Variants in RANBP17 observed in about 807,000 individuals in gnomAD.
RANBP17 encodes ran-binding protein 17.
In RANBP17, 158 loss-of-function variants were observed where a neutral mutation model predicts 141.2. That is an observed-to-expected ratio of 1.12 (90% CI 0.98 to 1.28). The LOEUF (loss-of-function observed/expected upper bound fraction) is 1.28. Among genes scored for constraint, RANBP17 ranks in the 50% most tolerant of loss-of-function variants. RANBP17 has a pLI of 0.00. For synonymous variants in RANBP17, 430 were observed against 450.0 expected (o/e 0.96, Z 0.56); for missense variants, 1,438 against 1,290.7 (o/e 1.11, Z -1.75).
chr5:171,022,968 C>G (rs1446681367), intron 14 of RANBP17, among the ~76,000 whole-genome samples: 2 of 152,196 alleles, frequency 1.3e-5, no homozygotes, highest in Non-Finnish European at 2.9e-5. Context: ...GGAAAAAGCA[C>G]AGTTTCCCTT....
intron 3 of RANBP17, among the ~76,000 whole-genome samples, chr5:170,890,130 T>A (rs1371584558): frequency 6.6e-6 from 1 of 152,182 alleles, no homozygotes; most frequent in Non-Finnish European, 1.5e-5. Context: ...ATTATTATTT[T>A]GAGATTACCC....
intron 22 of RANBP17, among the ~76,000 whole-genome samples, chr5:171,225,059 G>A (rs1381847120): frequency 6.6e-6 from 1 of 152,186 alleles, no homozygotes; most frequent in Admixed American, 6.5e-5. Context: ...GATTACTGTT[G>A]TGAAGAAATT....
At chr5:171,196,770 A>G (rs1762003056) in intron 18 of RANBP17, among the ~76,000 whole-genome samples, 1 of 152,176 alleles carries the variant, frequency 6.6e-6, no homozygotes, top group African/African-American at 2.4e-5. Context: ...GACTTTATCC[A>G]AAACCAGACA....
chr5:171,258,118 TACACACACACACAC>T (rs34304503), intron 24 of RANBP17, among the ~76,000 whole-genome samples: 2,418 of 128,300 alleles, frequency 0.019, 71 homozygotes, highest in African/African-American at 0.064. Flanking sequence ...AAAAAAAAAA[TACACACACACACAC>T]ACACACACAC....
intron 14 of RANBP17, among the ~76,000 whole-genome samples, chr5:171,156,481 A>T (rs1167399896): frequency 6.6e-6 from 1 of 152,106 alleles, no homozygotes; most frequent in Non-Finnish European, 1.5e-5. Flanking sequence ...GTTTTCTAGA[A>T]CGGCTTTTAT....
chr5:170,896,735 C>G (rs1258207598), intron 5 of RANBP17, among the ~76,000 whole-genome samples: 1 of 152,200 alleles, frequency 6.6e-6, no homozygotes, highest in Non-Finnish European at 1.5e-5. Flanking sequence ...GAAGCTGAGG[C>G]AGGAGAATTG....
At chr5:171,211,617 A>T (rs1201927430) in intron 20 of RANBP17, among the ~76,000 whole-genome samples, 2 of 147,406 alleles carry the variant, frequency 1.4e-5, no homozygotes, top group Admixed American at 1.3e-4. Flanking sequence ...TATAAATTCC[A>T]TGAGGGCAGG....
chr5:170,920,033 A>G (rs1198228156), intron 11 of RANBP17, among the ~76,000 whole-genome samples: 1 of 152,032 alleles, frequency 6.6e-6, no homozygotes. Context: ...CATTTTGTGG[A>G]TATATCAGTT....
intron 14 of RANBP17, among the ~76,000 whole-genome samples, chr5:170,973,862 C>T (rs1434788735): frequency 1.3e-5 from 2 of 152,186 alleles, no homozygotes; most frequent in Admixed American, 1.3e-4. Flanking sequence ...GGCACACAAA[C>T]TCTCTCAGAC....
intron 25 of RANBP17, among the ~76,000 whole-genome samples, chr5:171,281,914 G>A (rs1309107054): frequency 6.6e-6 from 1 of 152,164 alleles, no homozygotes; most frequent in Non-Finnish European, 1.5e-5. Context: ...CCCCTCAAGA[G>A]AGTAAGCCCT....
chr5:171,010,067 A>G (rs2127589686), intron 14 of RANBP17, among the ~76,000 whole-genome samples: 1 of 152,342 alleles, frequency 6.6e-6, no homozygotes, highest in South Asian at 2.1e-4. Context: ...GAGTGATCCC[A>G]GAAAGGAAGG....
chr5:171,033,980 C>T lies in RANBP17; in HGVS notation c.1710+65603C>T, dbSNP rs527607152. Among the ~76,000 whole-genome samples, 23 of 152,176 alleles carry T rather than the reference C, an allele frequency of 1.5e-4. No homozygotes were observed. The South Asian group carries it at 4.1e-3, about 27-fold the overall frequency. On this transcript the variant is annotated intron_variant, in intron 14 of 27. Transcript: ENST00000523189. ...ATAAAATAAGAGCTGGGCATGGTGGCGCATTCCTGTAGTCTCAGCTTCTCA... is the reference window on the plus strand; with the variant it reads ...ATAAAATAAGAGCTGGGCATGGTGGTGCATTCCTGTAGTCTCAGCTTCTCA...
At chr5:170,875,061 G>A (rs923227476) in intron 1 of RANBP17, among the ~76,000 whole-genome samples, 1 of 152,192 alleles carries the variant, frequency 6.6e-6, no homozygotes, top group South Asian at 2.1e-4. Flanking sequence ...TGTCTGAAAT[G>A]GATTTTATTT....
intron 14 of RANBP17, among the ~76,000 whole-genome samples, chr5:171,137,572 ATG>A (rs140713117): frequency 0.02 from 2,849 of 141,066 alleles, 76 homozygotes; most frequent in African/African-American, 0.06. Context: ...TTGACTTGAG[ATG>A]TGTGTGTGTG....
chr5:171,089,157 C>A (rs1785967873), intron 14 of RANBP17, among the ~76,000 whole-genome samples: 1 of 149,744 alleles, frequency 6.7e-6, no homozygotes, highest in Non-Finnish European at 1.5e-5. Flanking sequence ...GATGTCCTTT[C>A]TGTTTGTTTT....
At chr5:170,993,575 A>G (rs932068631) in intron 14 of RANBP17, among the ~76,000 whole-genome samples, 2 of 152,086 alleles carry the variant, frequency 1.3e-5, no homozygotes, top group Admixed American at 6.6e-5. Context: ...CTTCATCTAG[A>G]CAATGAGAAT....
chr5:171,006,849 C>T (rs6884518), intron 14 of RANBP17, among the ~76,000 whole-genome samples: 3,940 of 151,698 alleles, frequency 0.026, 152 homozygotes, highest in African/African-American at 0.089. Context: ...GCTGGGTTTT[C>T]GTCTTTACGT....
chr5:170,880,595 T>C (rs1362163015), intron 2 of RANBP17, among the ~76,000 whole-genome samples: 2 of 152,192 alleles, frequency 1.3e-5, no homozygotes, highest in Non-Finnish European at 2.9e-5. Flanking sequence ...TTTCTGACTT[T>C]TGATTTCCTG....
At position 170,914,166 on chromosome 5, in the gene RANBP17, G is replaced by T; in HGVS notation, c.761-1G>T. The T allele has an allele frequency of 6.3e-7, 1 of 1,599,582 alleles. No individual in the cohort carries two copies. Among genetic ancestry groups the T allele is most frequent in the Non-Finnish European group, 8.6e-7 (1 of 1,168,034 alleles). ...TGTTAGAAAATAATTTTTTTTCCCA[G>T]TTTTCCTGGAACCAGAAACATTGGA... On this transcript the variant is annotated splice_acceptor_variant, in intron 7 of 27. Coordinates refer to ENST00000523189, the MANE Select transcript of RANBP17 (RefSeq NM_022897.5). LOFTEE classifies it high-confidence loss of function.
Sources: allele counts gnomAD v4.1 joint callset (sites outside exome capture counted in the v4.1 genomes callset), GRCh38; gene constraint gnomAD v4.1.1; transcripts MANE v1.5; gene names NCBI Gene and HGNC (gene_info 2026-07-23, HGNC 2026-07-21).